The following CERS6 variants were observed in gnomAD, a reference collection of about 807,000 sequenced individuals.
CERS6 encodes the protein LAG1 homolog, ceramide synthase 6.
In CERS6, 26 loss-of-function variants were observed where a neutral mutation model predicts 56.8. That is an observed-to-expected ratio of 0.46 (90% CI 0.34 to 0.63). The LOEUF (loss-of-function observed/expected upper bound fraction) is 0.63, where lower values mean the gene tolerates loss of function less well. Among genes scored for constraint, CERS6 ranks in the 30% least tolerant of loss-of-function variants. The probability of loss-of-function intolerance (pLI) is 0.01; values close to 1 mark genes in which losing one functional copy is unlikely to be tolerated. For synonymous variants in CERS6, 164 were observed against 173.3 expected (o/e 0.95, Z 0.42); for missense variants, 415 against 467.5 (o/e 0.89, Z 1.04).
intron 8 of CERS6, among the ~76,000 whole-genome samples, chr2:168,744,737 A>G (rs1684049954): frequency 6.6e-6 from 1 of 152,232 alleles, no homozygotes; most frequent in South Asian, 2.1e-4. Flanking sequence ...ACCCATAATC[A>G]TCATGTCTCT....
Position 168,608,173 on chromosome 2 carries a change from A to G in CERS6, c.408-22812A>G, listed in dbSNP as rs569380946. Among the ~76,000 whole-genome samples the G allele has an allele frequency of 1.6e-4, 25 of 152,360 alleles. No individual in the cohort carries two copies. In the East Asian group the frequency reaches 3.9e-3, roughly 23 times the overall value. ...GTGGTATTTGTGGCTAACTTCTTCC[A>G]CTTGGCATAATGCTTTTGAGTTTCA... On this transcript the variant is annotated intron_variant, in intron 3 of 9. Transcript: ENST00000305747.
At chr2:168,621,059 CT>C (rs1005600030) in intron 3 of CERS6, among the ~76,000 whole-genome samples, 1 of 152,114 alleles carries the variant, frequency 6.6e-6, no homozygotes. Flanking sequence ...TTTTTGAAAA[CT>C]TAAGAACTTT....
At chr2:168,506,301 C>T (rs993748265) in intron 1 of CERS6, among the ~76,000 whole-genome samples, 1 of 152,060 alleles carries the variant, frequency 6.6e-6, no homozygotes, top group Non-Finnish European at 1.5e-5. Context: ...TTTCTGAATA[C>T]ATCTTTGAAT....
chr2:168,587,842 T>C (rs1408201512), intron 3 of CERS6, among the ~76,000 whole-genome samples: 2 of 152,106 alleles, frequency 1.3e-5, no homozygotes, highest in African/African-American at 4.8e-5. Flanking sequence ...TAGAACATCA[T>C]AATGATATAG....
chr2:168,471,832 G>T (rs904166039), intron 1 of CERS6, among the ~76,000 whole-genome samples: 2 of 152,172 alleles, frequency 1.3e-5, no homozygotes, highest in African/African-American at 4.8e-5. Context: ...CTGCTGCTCT[G>T]AATGAGAACT....
At chr2:168,597,584 A>G (rs952132512) in intron 3 of CERS6, among the ~76,000 whole-genome samples, 2 of 152,178 alleles carry the variant, frequency 1.3e-5, no homozygotes, top group Non-Finnish European at 2.9e-5. Flanking sequence ...ATTCCCAGAT[A>G]ACCATAGATG....
chr2:168,729,240 C>T (rs1005122650), intron 8 of CERS6, among the ~76,000 whole-genome samples: 16 of 152,178 alleles, frequency 1.1e-4, no homozygotes, highest in African/African-American at 3.4e-4. Flanking sequence ...AATAAAGTCT[C>T]ATGCTAGGAC....
intron 1 of CERS6, among the ~76,000 whole-genome samples, chr2:168,484,749 A>C (rs1264762454): frequency 6.6e-6 from 1 of 151,612 alleles, no homozygotes; most frequent in Non-Finnish European, 1.5e-5. Flanking sequence ...TTCATTCCAA[A>C]TTTTTCTCAT....
intron 4 of CERS6, among the ~76,000 whole-genome samples, chr2:168,645,529 A>T (rs976543645): frequency 7.2e-5 from 11 of 152,226 alleles, no homozygotes; most frequent in South Asian, 4.1e-4. Context: ...AATTTTATTT[A>T]AAAAAATCTT....
intron 1 of CERS6, among the ~76,000 whole-genome samples, chr2:168,510,836 T>G (rs1371822927): frequency 1.3e-5 from 2 of 151,798 alleles, no homozygotes; most frequent in Non-Finnish European, 2.9e-5. Context: ...TAACTTACAA[T>G]AAAATAAAGA....
chr2:168,581,764 G>A (rs12470825), intron 3 of CERS6, among the ~76,000 whole-genome samples: 86,529 of 152,050 alleles, frequency 0.57, 29,204 homozygotes, highest in South Asian at 0.79. Flanking sequence ...CAGTATTTGC[G>A]GGTGTGTTTC....
chr2:168,496,266 T>A (rs1337531112), intron 1 of CERS6, among the ~76,000 whole-genome samples: 1 of 152,234 alleles, frequency 6.6e-6, no homozygotes, highest in Non-Finnish European at 1.5e-5. Context: ...ATATATCATT[T>A]GATACCTGTA....
At chr2:168,532,290 T>C (rs1182733876) in intron 1 of CERS6, among the ~76,000 whole-genome samples, 1 of 152,174 alleles carries the variant, frequency 6.6e-6, no homozygotes, top group Non-Finnish European at 1.5e-5. Context: ...ATTTTCGTTA[T>C]GTAGATGAGA....
chr2:168,643,549 T>A (rs1559033280), intron 4 of CERS6, among the ~76,000 whole-genome samples: 1 of 152,198 alleles, frequency 6.6e-6, no homozygotes, highest in Non-Finnish European at 1.5e-5. Context: ...CACCATTCTA[T>A]ACATCACTTA....
At chr2:168,538,546 A>G (rs1291981822) in intron 1 of CERS6, among the ~76,000 whole-genome samples, 2 of 152,128 alleles carry the variant, frequency 1.3e-5, no homozygotes, top group African/African-American at 4.8e-5. Context: ...TGACAGCCCT[A>G]CCTAGGTAGC....
chr2:168,547,249 A>G (rs1436864453), intron 1 of CERS6, among the ~76,000 whole-genome samples: 3 of 152,248 alleles, frequency 2.0e-5, no homozygotes, highest in Non-Finnish European at 4.4e-5. Flanking sequence ...TGCTCTGTGT[A>G]AGAAGAGTAT....
chr2:168,495,979 T>A (rs1558971702), intron 1 of CERS6, among the ~76,000 whole-genome samples: 1 of 152,244 alleles, frequency 6.6e-6, no homozygotes, highest in African/African-American at 2.4e-5. Flanking sequence ...CACTATTTAT[T>A]TGTGTCCTTT....
chr2:168,499,917 T>C (rs1694549497), intron 1 of CERS6, among the ~76,000 whole-genome samples: 1 of 152,156 alleles, frequency 6.6e-6, no homozygotes, highest in Non-Finnish European at 1.5e-5. Context: ...AAACCTCTCA[T>C]TATTGGGCTG....
At chr2:168,562,601 A>G (rs1380058812) in intron 3 of CERS6, among the ~76,000 whole-genome samples, 6 of 152,202 alleles carry the variant, frequency 3.9e-5, no homozygotes, top group South Asian at 2.1e-4. Context: ...TCTCCACCCA[A>G]ACATCTCAGT....
Sources: gnomAD v4.1 joint callset for allele counts (sites outside exome capture counted in the v4.1 genomes callset) on GRCh38, gnomAD v4.1.1 for gene constraint, MANE v1.5 for transcripts, NCBI Gene and HGNC (gene_info 2026-07-23, HGNC 2026-07-21) for gene names.